Variants in EDEM1 observed in about 807,000 individuals in gnomAD.
EDEM1 encodes the protein ER degradation-enhancing alpha-mannosidase-like protein 1.
In EDEM1, 67 loss-of-function variants were observed where a neutral mutation model predicts 74.4. The ratio of observed to expected loss-of-function variants is 0.90; its 90% CI spans 0.74 to 1.10. EDEM1 has a LOEUF of 1.10. EDEM1 is among the 50% of genes least tolerant of loss of function. EDEM1 has a pLI of 0.00. For synonymous variants in EDEM1, 382 were observed against 335.9 expected (o/e 1.14, Z -1.50); for missense variants, 926 against 851.6 (o/e 1.09, Z -1.09).
intron 1 of EDEM1, among the ~76,000 whole-genome samples, chr3:5,193,222 G>GT (rs989646682): frequency 1.3e-5 from 2 of 152,134 alleles, no homozygotes; most frequent in Non-Finnish European, 2.9e-5. Context: ...GAGGTGGGCT[G>GT]TTGAAGCCCA....
At chr3:5,212,694 TCTC>T (rs1194176523) in intron 10 of EDEM1, among the ~76,000 whole-genome samples, 2 of 152,250 alleles carry the variant, frequency 1.3e-5, no homozygotes, top group African/African-American at 4.8e-5. Context: ...ACACTTGCCT[TCTC>T]CTGCACTGTT....
rs530460109 is a variant in EDEM1 at position 5,215,482 on chromosome 3, C to T, written c.1885-347C>T. Among the ~76,000 whole-genome samples the T allele has an allele frequency of 6.6e-4, 101 of 152,286 alleles. 1 individual carries two copies. The highest frequency in any genetic ancestry group is 2.4e-3 in the African/African-American group (98 of 41,542). On this transcript the variant is annotated intron_variant, in intron 11 of 11. Coordinates refer to ENST00000256497, the MANE Select transcript of EDEM1 (RefSeq NM_014674.3). ...TGGCCACGAAGCAGTTGCTGCGATGCCTTTTAGCTTCCCTGGATCTGCCAT... is the reference window on the plus strand; with the variant it reads ...TGGCCACGAAGCAGTTGCTGCGATGTCTTTTAGCTTCCCTGGATCTGCCAT...
chr3:5,206,951 T>C (rs1430473890), intron 6 of EDEM1, among the ~76,000 whole-genome samples: 2 of 152,256 alleles, frequency 1.3e-5, no homozygotes, highest in African/African-American at 4.8e-5. Flanking sequence ...TTAGGAACTT[T>C]GATCCTGTGG....
Position 5,188,044 on chromosome 3 carries a change from C to T in EDEM1, c.239C>T (p.Ala80Val), listed in dbSNP as rs780467450. The change falls in exon 1 of 12, where the codon GCG becomes GTG. Residue 80 changes from alanine (A) to valine (V), a missense_variant. By Grantham distance (64) the Ala-to-Val change is moderately conservative. Coordinates refer to ENST00000256497, the MANE Select transcript of EDEM1 (RefSeq NM_014674.3). ...SWLQPPGTGA[A>V]QSPRKAPRRP... ...CTGCAGCCGCCGGGGACCGGGGCAG[C>T]GCAGAGCCCGCGCAAGGCTCCGCGG... 1 of 1,437,154 alleles carries T rather than the reference C, an allele frequency of 7.0e-7. No homozygotes were observed. Among genetic ancestry groups the T allele is most frequent in the East Asian group, 2.9e-5 (1 of 34,280 alleles). 89.0% of individuals were successfully genotyped at this position (1,437,154 alleles called of 1,614,324 possible).
intron 1 of EDEM1, among the ~76,000 whole-genome samples, chr3:5,194,231 G>T (rs764453040): frequency 1.3e-5 from 2 of 152,144 alleles, no homozygotes; most frequent in Non-Finnish European, 2.9e-5. Context: ...TTTTGCTTTG[G>T]TTGCTAATAA....
chr3:5,210,714 GTT>G (rs554887656), intron 9 of EDEM1, among the ~76,000 whole-genome samples: 4 of 146,918 alleles, frequency 2.7e-5, no homozygotes, highest in South Asian at 4.3e-4. Context: ...CCTGCTGTAA[GTT>G]TTTTTTTTTA....
Position 5,188,464 on chromosome 3 carries a change from T to C in EDEM1, c.509+150T>C, listed in dbSNP as rs1008592509. 11 of 908,122 alleles carry C rather than the reference T, an allele frequency of 1.2e-5. No homozygotes were observed. In the East Asian group the frequency reaches 3.1e-4, roughly 26 times the overall value. 56.3% of individuals were successfully genotyped at this position (908,122 alleles called of 1,614,324 possible). ...GCTCCCGCGCCCTGTCCCGTGTGAG[T>C]CCCTGTGAAGACCCCCGAGCTTGAG... On this transcript the variant is annotated intron_variant, in intron 1 of 11. Coordinates refer to ENST00000256497, the MANE Select transcript of EDEM1 (RefSeq NM_014674.3).
At position 5,215,962 on chromosome 3, in the gene EDEM1, C is replaced by A; in HGVS notation, c.*44C>A. ...TCATCTTGAACCAGACCTTAACGAC[C>A]AAACCCAGACCATGCCAAAGTCCAG... On this transcript the variant is annotated 3_prime_UTR_variant, in exon 12 of 12. Transcript: ENST00000256497. The A allele has an allele frequency of 6.5e-7, 1 of 1,530,370 alleles. No individual in the cohort carries two copies. The highest frequency in any genetic ancestry group is 9.0e-7 in the Non-Finnish European group (1 of 1,112,556). The allele number at this position is 1,530,370 out of a possible 1,614,324, so 94.8% of individuals were successfully genotyped here.
In EDEM1 at chr3:5,217,857, G is replaced by A. The variant is rs2055260204; in HGVS notation, c.*1939G>A. Reference sequence around the variant, plus strand: ...TGTACCTTTGTCTCTGGGCAAACAGGTGGGACTGTTAGTGACCCATTTGGG... The same window carrying A: ...TGTACCTTTGTCTCTGGGCAAACAGATGGGACTGTTAGTGACCCATTTGGG... On this transcript the variant is annotated 3_prime_UTR_variant, in exon 12 of 12. Coordinates refer to ENST00000256497, the MANE Select transcript of EDEM1 (RefSeq NM_014674.3). 6.6e-6 allele frequency: 1 copy of A among 152,170 alleles called. No individual in the cohort carries two copies. The highest frequency in any genetic ancestry group is 6.5e-5 in the Admixed American group (1 of 15,274). The allele number at this position is 152,170 out of a possible 1,614,324, so 9.4% of individuals were successfully genotyped here.
chr3:5,200,880 T>A (rs1220441018), intron 3 of EDEM1, among the ~76,000 whole-genome samples: 2 of 151,806 alleles, frequency 1.3e-5, no homozygotes, highest in Non-Finnish European at 1.5e-5. Flanking sequence ...TTTTTTTTTT[T>A]AATTTGAATT....
intron 11 of EDEM1, among the ~76,000 whole-genome samples, chr3:5,215,029 T>C (rs2055215029): frequency 6.6e-6 from 1 of 151,980 alleles, no homozygotes; most frequent in Non-Finnish European, 1.5e-5. Context: ...CCAGAAAGGG[T>C]GTTCAGGCAG....
intron 1 of EDEM1, among the ~76,000 whole-genome samples, chr3:5,189,028 C>T (rs2054868199): frequency 6.6e-6 from 1 of 152,168 alleles, no homozygotes; most frequent in African/African-American, 2.4e-5. Flanking sequence ...CCTCTGGTGG[C>T]GTGGTTGTCC....
intron 11 of EDEM1, among the ~76,000 whole-genome samples, chr3:5,214,648 G>C (rs1214607857): frequency 2.0e-5 from 3 of 152,198 alleles, no homozygotes; most frequent in Admixed American, 6.5e-5. Flanking sequence ...AGCCCTGTGA[G>C]GGGTGGTTAC....
chr3:5,197,009 A>C lies in EDEM1; in HGVS notation c.582+1728A>C, dbSNP rs866441606. The stretch of plus-strand genomic sequence containing the variant: ...TGTGGCGTGATCTTGGCTCACTTCA[A>C]CCTTCAGCTCCTGGGTTCGAGTGAT... On this transcript the variant is annotated intron_variant, in intron 2 of 11. Transcript: ENST00000256497. Among the ~76,000 whole-genome samples, 6 of 143,218 alleles carry C rather than the reference A, an allele frequency of 4.2e-5. No individual in the cohort carries two copies. In the South Asian group the frequency reaches 1.1e-3, roughly 27 times the overall value. The allele number at this position is 143,218 out of a possible 152,430, so 94.0% of individuals were successfully genotyped here.
chr3:5,192,407 G>T (rs775379211), intron 1 of EDEM1, among the ~76,000 whole-genome samples: 22 of 152,282 alleles, frequency 1.4e-4, no homozygotes, highest in South Asian at 6.2e-4. Flanking sequence ...GTTTGATTTT[G>T]TTAGCTACAT....
In EDEM1 at chr3:5,211,653, A is replaced by T. The variant is rs112820948; in HGVS notation, c.1680+437A>T. Among the ~76,000 whole-genome samples the T allele has an allele frequency of 1.5e-3, 216 of 146,962 alleles. 1 individual carries two copies. The highest frequency in any genetic ancestry group is 5.2e-3 in the African/African-American group (198 of 38,166). On this transcript the variant is annotated intron_variant, in intron 10 of 11. Transcript: ENST00000256497. ...ACATCCTCAGGCACATGAGTGAGTG[A>T]GTGTGTGTGTGTGTGTGTGTGTGTG...
At chr3:5,201,123 A>T (rs2055029703) in intron 3 of EDEM1, among the ~76,000 whole-genome samples, 1 of 151,520 alleles carries the variant, frequency 6.6e-6, no homozygotes, top group African/African-American at 2.4e-5. Flanking sequence ...AATAATACTA[A>T]TAGGTAATAT....
chr3:5,194,385 T>C (rs1291266297), intron 1 of EDEM1, among the ~76,000 whole-genome samples: 2 of 152,222 alleles, frequency 1.3e-5, no homozygotes, highest in Non-Finnish European at 2.9e-5. Flanking sequence ...TTACTAGTTC[T>C]TCATCCCTAT....
chr3:5,213,363 C>T lies in EDEM1; in HGVS notation c.1725C>T (p.Tyr575=), dbSNP rs376154610. The change falls in exon 11 of 12, where the codon TAC becomes TAT. Residue 575 remains tyrosine, a synonymous_variant. Coordinates refer to ENST00000256497, the MANE Select transcript of EDEM1 (RefSeq NM_014674.3). ...CAGTACACAAGTCTGGAACCAGATACATGTTCACAACAGAGGGACACATTG... is the reference window on the plus strand; with the variant it reads ...CAGTACACAAGTCTGGAACCAGATATATGTTCACAACAGAGGGACACATTG... ...DNPVHKSGTR[Y]MFTTEGHIVS... 41 of 1,613,918 alleles carry T rather than the reference C, an allele frequency of 2.5e-5. No individual in the cohort carries two copies. Among genetic ancestry groups the T allele is most frequent in the Non-Finnish European group, 3.1e-5 (37 of 1,179,984 alleles).
Sources: gnomAD v4.1 joint callset for allele counts (sites outside exome capture counted in the v4.1 genomes callset) on GRCh38, gnomAD v4.1.1 for gene constraint, MANE v1.5 for transcripts, NCBI Gene and HGNC (gene_info 2026-07-23, HGNC 2026-07-21) for gene names.